ATP13A5: variants seen among roughly 807,000 people sequenced by gnomAD.
The protein encoded by ATP13A5 is probable cation-transporting ATPase 13A5.
ATP13A5 carries 149 observed loss-of-function variants against 150.2 expected under a neutral mutation model. The observed-to-expected ratio is 0.99, with a 90% CI of 0.87 to 1.14. The LOEUF (loss-of-function observed/expected upper bound fraction) is 1.14. Among genes scored for constraint, ATP13A5 ranks in the 50% most tolerant of loss-of-function variants. ATP13A5 has a pLI of 0.00. For synonymous variants in ATP13A5, 497 were observed against 522.2 expected, an observed-to-expected ratio of 0.95 and a Z score of 0.66; for missense variants, 1,383 against 1,449.3, an observed-to-expected ratio of 0.95 and a Z score of 0.74.
At chr3:193,314,221 G>T (rs760179142) in intron 18 of ATP13A5, 28 bp from the exon 19 acceptor site, 2 of 1,609,896 alleles carry the variant, frequency 1.2e-6, no homozygotes, top group Non-Finnish European at 8.5e-7. Context: ...TTTGCTTGCT[G>T]TATGTACAAA....
chr3:193,280,218 AT>A (rs974747027), intron 27 of ATP13A5, among the ~76,000 whole-genome samples: 1 of 151,236 alleles, frequency 6.6e-6, no homozygotes, highest in Admixed American at 6.6e-5. Flanking sequence ...GCATGGCTAA[AT>A]TTTTTTTGTA....
At chr3:193,314,627 G>A (rs1377438093) in intron 18 of ATP13A5, among the ~76,000 whole-genome samples, 1 of 152,106 alleles carries the variant, frequency 6.6e-6, no homozygotes, top group African/African-American at 2.4e-5. Flanking sequence ...TGCCCTAGAG[G>A]ACCATCAACC....
chr3:193,331,479 A>C (rs73074762), intron 11 of ATP13A5, among the ~76,000 whole-genome samples, 168 bp from the exon 12 acceptor site: 8,042 of 152,148 alleles, frequency 0.053, 637 homozygotes, highest in African/African-American at 0.18. Flanking sequence ...CCCTCTACTT[A>C]GCATTCCCTC....
In ATP13A5 at chr3:193,284,894, A is replaced by G; in HGVS notation, c.3226+20T>C. 6.3e-7 allele frequency: 1 copy of G among 1,582,202 alleles called. No homozygotes were observed. The highest frequency in any genetic ancestry group is 8.6e-7 in the Non-Finnish European group (1 of 1,158,986). ...AATGGGAAAATATTCAGAAAGAAAAATTAAACTTTATATACTTACAGTTTG... is the reference window on the plus strand; with the variant it reads ...AATGGGAAAATATTCAGAAAGAAAAGTTAAACTTTATATACTTACAGTTTG... On this transcript the variant is annotated intron_variant, in intron 27 of 29. Transcript: ENST00000342358.
At chr3:193,377,024 T>A (rs1713669104) in intron 1 of ATP13A5, among the ~76,000 whole-genome samples, 1 of 152,184 alleles carries the variant, frequency 6.6e-6, no homozygotes, top group East Asian at 1.9e-4. Context: ...CCTGCAAAAA[T>A]GAAGAAAACT....
At chr3:193,353,702 C>A (rs1474860541) in intron 6 of ATP13A5, among the ~76,000 whole-genome samples, 1 of 152,184 alleles carries the variant, frequency 6.6e-6, no homozygotes, top group African/African-American at 2.4e-5. Flanking sequence ...ATAAAGAACA[C>A]AGTAGTCTGC....
Position 193,319,033 on chromosome 3 carries a change from G to A in ATP13A5, c.1991C>T (p.Thr664Ile). Residue 664 changes from threonine (T) to isoleucine (I), a missense_variant, in exon 17 of 30, where the codon ACC becomes ATC. By Grantham distance (89) the Thr-to-Ile change is moderately conservative (BLOSUM62 -1). Transcript: ENST00000342358. ...GFRVIALAHK[T>I]LKMGNLSEVE... is the part of the protein sequence containing the mutation. Reference sequence around the variant, plus strand: ...TTCTGAAAGATTCCCCATCTTTAAGGTTTTGTGGGCAAGAGCAATGACACG... The same window carrying A: ...TTCTGAAAGATTCCCCATCTTTAAGATTTTGTGGGCAAGAGCAATGACACG... 1 of 1,613,902 alleles carries A rather than the reference G, an allele frequency of 6.2e-7. No individual in the cohort carries two copies. Among genetic ancestry groups the A allele is most frequent in the Non-Finnish European group, 8.5e-7 (1 of 1,179,854 alleles).
chr3:193,376,571 C>T (rs987561558), intron 1 of ATP13A5, among the ~76,000 whole-genome samples: 1 of 152,096 alleles, frequency 6.6e-6, no homozygotes, highest in Non-Finnish European at 1.5e-5. Flanking sequence ...GGTACATGCG[C>T]AGGATGTGCA....
rs76668307 is a variant in ATP13A5 at position 193,350,737 on chromosome 3, T to C, written c.741+330A>G. Among the ~76,000 whole-genome samples, 47 of 152,292 alleles carry C rather than the reference T, an allele frequency of 3.1e-4. 2 individuals are homozygous for C. In the East Asian group the frequency reaches 8.9e-3, roughly 29 times the overall value. Reference sequence around the variant, plus strand: ...ATAATATCTTGATTAATGCACACAGTTGAGATGCTACCCCTTCATTCTCCT... The same window carrying C: ...ATAATATCTTGATTAATGCACACAGCTGAGATGCTACCCCTTCATTCTCCT... On this transcript the variant is annotated intron_variant, in intron 7 of 29. Transcript: ENST00000342358.
rs564424673 is a variant in ATP13A5 at position 193,321,842 on chromosome 3, A to T, written c.1759-5T>A. On this transcript the variant is annotated splice_polypyrimidine_tract_variant and splice_region_variant and intron_variant, in intron 15 of 29. Coordinates refer to ENST00000342358, the MANE Select transcript of ATP13A5 (RefSeq NM_198505.4). ...GATGATGGCTTCCACTGGACTCTGC[A>T]AGCCCATCAACAACAGGGAGCTTAA... is the stretch of plus-strand genomic sequence containing the variant. The T allele has an allele frequency of 3.1e-6, 5 of 1,613,108 alleles. No homozygotes were observed. The South Asian group carries it at 5.5e-5, about 18-fold the overall frequency.
intron 13 of ATP13A5, among the ~76,000 whole-genome samples, chr3:193,325,695 C>T (rs1448151156): frequency 6.6e-6 from 1 of 152,172 alleles, no homozygotes; most frequent in Non-Finnish European, 1.5e-5. Context: ...ACGTCTCAGC[C>T]CTTTAGAGTT....
At chr3:193,319,634 G>C (rs1239064441) in intron 16 of ATP13A5, among the ~76,000 whole-genome samples, 1 of 152,176 alleles carries the variant, frequency 6.6e-6, no homozygotes, top group Non-Finnish European at 1.5e-5. Flanking sequence ...GCAGTCTATG[G>C]TCTTTTGTTA....
At chr3:193,333,327 T>C (rs750624278) in intron 11 of ATP13A5, among the ~76,000 whole-genome samples, 16 of 152,164 alleles carry the variant, frequency 1.1e-4, no homozygotes, top group Non-Finnish European at 2.2e-4. Context: ...TTTCTTATTT[T>C]CTGGTTCACA....
Position 193,343,929 on chromosome 3 carries a change from G to C in ATP13A5, c.941C>G (p.Thr314Arg). ...GAAGCTCCATGACAACTGCCTACCT[G>C]TAAGCATGCCTTCATTCACCACGCA... ...GSCVVNEGML[T>R]GESIPVTKTP... is the part of the protein sequence containing the mutation. The change falls in exon 9 of 30, where the codon ACA becomes AGA. Residue 314 changes from threonine (T) to arginine (R), a missense_variant and splice_region_variant. This residue lies in a region of ATP13A5 where 787 missense variants were observed against 771.9 expected (regional missense o/e 1.02). Transcript: ENST00000342358. 1 of 1,612,344 alleles carries C rather than the reference G, an allele frequency of 6.2e-7. No homozygotes were observed. Among genetic ancestry groups the C allele is most frequent in the Non-Finnish European group, 8.5e-7 (1 of 1,179,000 alleles).
chr3:193,314,985 A>C lies in ATP13A5; in HGVS notation c.2145T>G (p.Thr715=). The C allele has an allele frequency of 6.2e-7, 1 of 1,613,514 alleles. No individual in the cohort carries two copies. The highest frequency in any genetic ancestry group is 2.2e-5 in the East Asian group (1 of 44,848). ...ACAAATACATACCTGTAATCATCAC[A>C]GTCCTGATACGGGCCTCACTCAGTT... ...LKELSEARIR[T]VMITGDNLQT... The change falls in exon 18 of 30, where the codon ACT becomes ACG. Residue 715 remains threonine (T), a synonymous_variant. Coordinates refer to ENST00000342358, the MANE Select transcript of ATP13A5 (RefSeq NM_198505.4).
rs1717653107 is a variant in ATP13A5 at position 193,284,918 on chromosome 3, T to G, written c.3222A>C (p.Thr1074=). The part of the protein sequence containing the change: ...KGKPFRKPIY[T]NYIFSFLLLA... ...AATTAAACTTTATATACTTACAGTT[T>G]GTATAGATGGGTTTTCGAAATGGCT... is the stretch of plus-strand genomic sequence containing the variant. Residue 1074 remains threonine, a synonymous_variant, in exon 27 of 30, where the codon ACA becomes ACC. Coordinates refer to ENST00000342358, the MANE Select transcript of ATP13A5 (RefSeq NM_198505.4). 3.7e-6 allele frequency: 6 copies of G among 1,610,766 alleles called. No homozygotes were observed. Among genetic ancestry groups the G allele is most frequent in the Non-Finnish European group, 3.4e-6 (4 of 1,178,226 alleles).
chr3:193,363,449 T>C, intron 2 of ATP13A5, 67 bp from the exon 3 acceptor site: 2 of 1,437,482 alleles, frequency 1.4e-6, no homozygotes, highest in South Asian at 1.3e-5. Flanking sequence ...ATCAACCAAA[T>C]ACCTACCAAG....
At chr3:193,364,400 A>G in intron 1 of ATP13A5, 120 bp from the exon 2 acceptor site, 1 of 1,248,456 alleles carries the variant, frequency 8.0e-7, no homozygotes, top group South Asian at 1.5e-5. Context: ...ATCTGGTTAT[A>G]GGTGGTTAAA....
In ATP13A5 at chr3:193,314,968, A is replaced by G. The variant is rs372156174; in HGVS notation, c.2158+4T>C. 3.5e-5 allele frequency: 57 copies of G among 1,612,540 alleles called. No individual in the cohort carries two copies. Among genetic ancestry groups the G allele is most frequent in the Non-Finnish European group, 4.7e-5 (55 of 1,179,218 alleles). ...TTGCCAGGCCCCTAGAAACAAATACATACCTGTAATCATCACAGTCCTGAT... is the reference window on the plus strand; with the variant it reads ...TTGCCAGGCCCCTAGAAACAAATACGTACCTGTAATCATCACAGTCCTGAT... On this transcript the variant is annotated splice_donor_region_variant and intron_variant, in intron 18 of 29. Coordinates refer to ENST00000342358, the MANE Select transcript of ATP13A5 (RefSeq NM_198505.4).
Sources: allele counts gnomAD v4.1 joint callset (sites outside exome capture counted in the v4.1 genomes callset), GRCh38; gene constraint gnomAD v4.1.1; regional missense constraint gnomAD v4.1.1; transcripts MANE v1.5; gene names NCBI Gene and HGNC (gene_info 2026-07-23, HGNC 2026-07-21).